Variants in CSMD1 observed in about 807,000 individuals in gnomAD.
CSMD1 encodes CUB and Sushi multiple domains 1, also known as CUB and sushi domain-containing protein 1.
Under a neutral mutation model 417.5 loss-of-function variants are expected in CSMD1, and 213 were observed. The observed-to-expected ratio is 0.51, with a 90% CI of 0.46 to 0.57. The LOEUF (loss-of-function observed/expected upper bound fraction) is 0.57, where lower values mean the gene tolerates loss of function less well. Among genes scored for constraint, CSMD1 ranks in the 20% least tolerant of loss-of-function variants. The pLI is 0.00. For synonymous variants in CSMD1, 2,862 were observed against 1,736.8 expected (o/e 1.65, Z -16.11); for missense variants, 6,923 against 4,529.7 (o/e 1.53, Z -15.17).
intron 7 of CSMD1, among the ~76,000 whole-genome samples, chr8:3,701,038 G>C (rs1800836333): frequency 6.6e-6 from 1 of 151,948 alleles, no homozygotes; most frequent in South Asian, 2.1e-4. Context: ...TCGGGGGGCA[G>C]TCAGGGCTCA....
chr8:3,234,573 C>T (rs1252363320), intron 26 of CSMD1, among the ~76,000 whole-genome samples: 2 of 152,232 alleles, frequency 1.3e-5, no homozygotes, highest in Non-Finnish European at 1.5e-5. Flanking sequence ...ACCGGAAGGC[C>T]ATTGCTGTAC....
chr8:3,982,501 C>T (rs1813958121), intron 5 of CSMD1, among the ~76,000 whole-genome samples: 1 of 151,926 alleles, frequency 6.6e-6, no homozygotes, highest in African/African-American at 2.4e-5. Flanking sequence ...AGAAAAATAA[C>T]GCATCATAAA....
intron 37 of CSMD1, among the ~76,000 whole-genome samples, chr8:3,173,506 G>C (rs1277416220): frequency 6.6e-6 from 1 of 152,130 alleles, no homozygotes; most frequent in African/African-American, 2.4e-5. Flanking sequence ...GTGGGTCTTA[G>C]GAAAATTTTT....
At chr8:3,957,652 C>G (rs934305582) in intron 5 of CSMD1, among the ~76,000 whole-genome samples, 1 of 151,674 alleles carries the variant, frequency 6.6e-6, no homozygotes, top group Admixed American at 6.6e-5. Flanking sequence ...CCACTGCACT[C>G]CAGCCTGGGC....
intron 3 of CSMD1, among the ~76,000 whole-genome samples, chr8:4,160,611 G>A (rs7006672): frequency 6.6e-6 from 1 of 152,058 alleles, no homozygotes; most frequent in African/African-American, 2.4e-5. Flanking sequence ...CACTGTGGAT[G>A]TCCCCACTTT....
intron 11 of CSMD1, among the ~76,000 whole-genome samples, chr8:3,487,825 G>T (rs1039592973): frequency 6.6e-6 from 1 of 152,050 alleles, no homozygotes; most frequent in South Asian, 2.1e-4. Flanking sequence ...CCCAGAAATC[G>T]TAAAAATCCT....
At chr8:3,335,009 TAGG>T (rs2117562800) in intron 23 of CSMD1, among the ~76,000 whole-genome samples, 1 of 152,324 alleles carries the variant, frequency 6.6e-6, no homozygotes, top group South Asian at 2.1e-4. Flanking sequence ...GAGTTAATTC[TAGG>T]AGATGATACT....
intron 3 of CSMD1, among the ~76,000 whole-genome samples, chr8:4,374,796 G>C (rs187747626): frequency 6.6e-6 from 1 of 152,106 alleles, no homozygotes. Flanking sequence ...GGATGGCCCA[G>C]GAGAGGATGG....
At chr8:3,457,287 C>A (rs181688155) in intron 12 of CSMD1, among the ~76,000 whole-genome samples, 1 of 152,212 alleles carries the variant, frequency 6.6e-6, no homozygotes, top group East Asian at 1.9e-4. Flanking sequence ...TCATCTTCAC[C>A]CCTCATCCTA....
In CSMD1 at chr8:3,223,798, G is replaced by A. The variant is rs770896492; in HGVS notation, c.4415C>T (p.Pro1472Leu). 1 of 1,613,908 alleles carries A rather than the reference G, an allele frequency of 6.2e-7. No individual in the cohort carries two copies. The highest frequency in any genetic ancestry group is 8.5e-7 in the Non-Finnish European group (1 of 1,179,832). ...ILSPNYPQPY[P>L]PGKECDWRVK... is the part of the protein sequence containing the mutation. ...TCTCCAGTCACATTCCTTCCCAGGA[G>A]GATACGGCTGTGGGTAGTTGGGTGA... is the stretch of plus-strand genomic sequence containing the variant. Residue 1472 changes from proline to leucine, a missense_variant, in exon 28 of 70, where the codon CCT becomes CTT. Coordinates refer to ENST00000635120, the MANE Select transcript of CSMD1 (RefSeq NM_033225.6).
Position 3,404,351 on chromosome 8 carries a change from A to G in CSMD1, c.2266+1676T>C, listed in dbSNP as rs1022117114. Among the ~76,000 whole-genome samples, 84 of 102,152 alleles carry G rather than the reference A, an allele frequency of 8.2e-4. 2 individuals are homozygous for G. Among genetic ancestry groups the G allele is most frequent in the Admixed American group, 1.0e-3 (10 of 10,050 alleles). The allele number at this position is 102,152 out of a possible 152,430, so 67.0% of individuals were successfully genotyped here. A position where few individuals can be genotyped will look rare whatever the true frequency, so the allele number is the denominator to read the frequency against. On this transcript the variant is annotated intron_variant, in intron 15 of 69. Transcript: ENST00000635120. ...CGCTATCTCAAAAAAAAAAAAAAAA[A>G]AAAAATTGCGTTTCTACTTTGAGTA... is the stretch of plus-strand genomic sequence containing the variant.
intron 18 of CSMD1, among the ~76,000 whole-genome samples, chr8:3,386,027 T>C (rs954807151): frequency 6.6e-6 from 1 of 152,330 alleles, no homozygotes; most frequent in Admixed American, 6.5e-5. Flanking sequence ...CCTGCTGCAA[T>C]AGTAATTCTT....
Position 2,973,251 on chromosome 8 carries a change from G to C in CSMD1, c.8789C>G (p.Ser2930Cys), listed in dbSNP as rs761133108. The change falls in exon 57 of 70, where the codon TCT (serine) becomes TGT (cysteine). Residue 2930 changes from serine (S) to cysteine (C), a missense_variant. Ser to Cys is a moderately radical substitution (Grantham distance 112). Transcript: ENST00000635120. ...CGDPGTPAHG[S>C]RLGDDFKTKS... Reference sequence around the variant, plus strand: ...TGTCTTAAAGTCATCACCAAGCCGAGACCCATGTGCTGGGGTCCCCGGATC... The same window carrying C: ...TGTCTTAAAGTCATCACCAAGCCGACACCCATGTGCTGGGGTCCCCGGATC... 2.5e-6 allele frequency: 4 copies of C among 1,613,910 alleles called. No individual in the cohort carries two copies. Among genetic ancestry groups the C allele is most frequent in the South Asian group, 1.1e-5 (1 of 91,080 alleles).
At chr8:3,218,566 T>TA (rs932288704) in intron 29 of CSMD1, among the ~76,000 whole-genome samples, 55 of 126,700 alleles carry the variant, frequency 4.3e-4, no homozygotes, top group African/African-American at 5.7e-4. Context: ...ATCTCAAAAA[T>TA]AAAAAAAAAA....
At chr8:3,487,431 G>C (rs990139197) in intron 11 of CSMD1, among the ~76,000 whole-genome samples, 13 of 152,126 alleles carry the variant, frequency 8.5e-5, no homozygotes, top group African/African-American at 3.1e-4. Flanking sequence ...TCGTTCTCCT[G>C]ACCTCGTGAT....
At chr8:3,626,746 A>G (rs1040423117) in intron 7 of CSMD1, among the ~76,000 whole-genome samples, 1 of 150,762 alleles carries the variant, frequency 6.6e-6, no homozygotes, top group East Asian at 1.9e-4. Flanking sequence ...TATTACTTTT[A>G]TATATATTAC....
intron 3 of CSMD1, among the ~76,000 whole-genome samples, chr8:4,361,628 C>T (rs1177857635): frequency 6.6e-6 from 1 of 152,126 alleles, no homozygotes; most frequent in Non-Finnish European, 1.5e-5. Flanking sequence ...GCTTTGCTGT[C>T]CCTTTTGTTT....
intron 3 of CSMD1, among the ~76,000 whole-genome samples, chr8:4,224,209 C>G (rs1271045432): frequency 2.3e-5 from 3 of 128,444 alleles, no homozygotes; most frequent in African/African-American, 9.1e-5. Context: ...CGTTTGTGAT[C>G]CAAGTCCTAA....
At chr8:4,989,161 T>G (rs982252024) in intron 1 of CSMD1, among the ~76,000 whole-genome samples, 1 of 152,192 alleles carries the variant, frequency 6.6e-6, no homozygotes, top group Non-Finnish European at 1.5e-5. Flanking sequence ...ATCATGTAAT[T>G]GAAGGCAAGG....
Sources: gnomAD v4.1 joint callset for allele counts (sites outside exome capture counted in the v4.1 genomes callset) on GRCh38, gnomAD v4.1.1 for gene constraint, MANE v1.5 for transcripts, NCBI Gene and HGNC (gene_info 2026-07-23, HGNC 2026-07-21) for gene names.